Variants in PRKCB observed in about 807,000 individuals in gnomAD.
PRKCB encodes protein kinase C beta, also known as protein kinase C beta type.
A neutral mutation model predicts 81.5 loss-of-function variants in PRKCB; 13 were observed. The observed-to-expected ratio is 0.16, with a 90% CI of 0.10 to 0.25. PRKCB has a LOEUF of 0.25. Among genes scored for constraint, PRKCB ranks in the 10% least tolerant of loss-of-function variants. The pLI, the probability that PRKCB is intolerant of heterozygous loss-of-function variation, is 1.00. For missense variants in PRKCB, 509 were observed against 875.7 expected, an observed-to-expected ratio of 0.58 and a Z score of 5.29; for synonymous variants, 335 against 321.4, an observed-to-expected ratio of 1.04 and a Z score of -0.45.
intron 4 of PRKCB, among the ~76,000 whole-genome samples, chr16:24,032,748 T>C (rs1019522701): frequency 6.6e-6 from 1 of 152,200 alleles, no homozygotes; most frequent in African/African-American, 2.4e-5. Context: ...GCAGCCACAC[T>C]TCAAGTCTCT....
chr16:23,933,392 C>A (rs1005191945), intron 2 of PRKCB, among the ~76,000 whole-genome samples: 4 of 152,138 alleles, frequency 2.6e-5, no homozygotes, highest in Admixed American at 6.5e-5. Flanking sequence ...TATTGATGAG[C>A]CCCTTTTGGT....
chr16:23,917,777 T>G (rs1278760364), intron 2 of PRKCB, among the ~76,000 whole-genome samples: 1 of 152,206 alleles, frequency 6.6e-6, no homozygotes, highest in African/African-American at 2.4e-5. Context: ...GATCAGATGT[T>G]TTTTGCAGTT....
intron 2 of PRKCB, among the ~76,000 whole-genome samples, chr16:23,877,712 G>A (rs1375482368): frequency 6.6e-6 from 1 of 152,188 alleles, no homozygotes; most frequent in African/African-American, 2.4e-5. Flanking sequence ...AAAAATCTGT[G>A]TAAATGGTAA....
At chr16:24,021,286 T>TCTCCCTCC (rs1471185662) in intron 3 of PRKCB, among the ~76,000 whole-genome samples, 5 of 69,330 alleles carry the variant, frequency 7.2e-5, no homozygotes, top group South Asian at 5.7e-4. Flanking sequence ...CTTTTCTCCC[T>TCTCCCTCC]CTCCCTCCCT....
At chr16:23,987,806 A>G (rs761300743) in intron 2 of PRKCB, among the ~76,000 whole-genome samples, 3 of 152,226 alleles carry the variant, frequency 2.0e-5, no homozygotes, top group Non-Finnish European at 4.4e-5. Context: ...AACAACAACA[A>G]CAACAACAAA....
At chr16:23,953,888 C>CTG (rs1555486999) in intron 2 of PRKCB, among the ~76,000 whole-genome samples, 5 of 146,348 alleles carry the variant, frequency 3.4e-5, no homozygotes, top group Non-Finnish European at 7.5e-5. Flanking sequence ...AGGCATCCAT[C>CTG]TTTTTTTTTT....
chr16:23,988,950 T>C (rs953093679), intron 3 of PRKCB, among the ~76,000 whole-genome samples: 1 of 151,978 alleles, frequency 6.6e-6, no homozygotes, highest in Non-Finnish European at 1.5e-5. Flanking sequence ...CTTTCTTTTG[T>C]TATTGTTATT....
intron 2 of PRKCB, among the ~76,000 whole-genome samples, chr16:23,950,131 A>T (rs1324340652): frequency 1.1e-4 from 1 of 8,922 alleles, no homozygotes; most frequent in Non-Finnish European, 2.5e-4. Context: ...CTATGATTTG[A>T]ATTTTTTTTT....
chr16:24,141,379 A>C (rs940834061), intron 9 of PRKCB, among the ~76,000 whole-genome samples: 1 of 152,098 alleles, frequency 6.6e-6, no homozygotes, highest in East Asian at 1.9e-4. Context: ...ATTTTTTAGT[A>C]GAGACGGGGT....
chr16:24,142,162 A>G lies in PRKCB; in HGVS notation c.1066-12522A>G, dbSNP rs1461961702. ...GGTTGAGTAACTCAGCCAAGAACAC[A>G]CAGCAAACCATATGATAGAGTCAGG... On this transcript the variant is annotated intron_variant, in intron 9 of 16. Transcript: ENST00000643927. Among the ~76,000 whole-genome samples, 5 of 152,310 alleles carry G rather than the reference A, an allele frequency of 3.3e-5. No homozygotes were observed. In the East Asian group the frequency reaches 9.6e-4, roughly 29 times the overall value.
intron 5 of PRKCB, among the ~76,000 whole-genome samples, chr16:24,064,097 C>G (rs918462317): frequency 6.6e-6 from 1 of 151,824 alleles, no homozygotes; most frequent in South Asian, 2.1e-4. Context: ...AGAGTAAACA[C>G]CAGGTTGCCG....
At chr16:23,850,102 C>T (rs941038331) in intron 2 of PRKCB, among the ~76,000 whole-genome samples, 1 of 152,170 alleles carries the variant, frequency 6.6e-6, no homozygotes, top group African/African-American at 2.4e-5. Context: ...TTTTACTTAG[C>T]ATAATGTCCT....
intron 9 of PRKCB, among the ~76,000 whole-genome samples, chr16:24,135,533 G>A (rs1327691673): frequency 6.6e-6 from 1 of 151,714 alleles, no homozygotes; most frequent in Non-Finnish European, 1.5e-5. Context: ...GGCTGGTCTC[G>A]AACTCCTGGC....
At chr16:23,949,136 T>C (rs974983500) in intron 2 of PRKCB, among the ~76,000 whole-genome samples, 3 of 152,176 alleles carry the variant, frequency 2.0e-5, no homozygotes, top group African/African-American at 7.2e-5. Context: ...TTTACACTCT[T>C]CCGGAGTCTG....
Position 24,216,882 on chromosome 16 carries a change from A to G in PRKCB, c.*2066A>G, listed in dbSNP as rs886733853. The G allele has an allele frequency of 5.1e-6, 5 of 985,480 alleles. No individual in the cohort carries two copies. Among genetic ancestry groups the G allele is most frequent in the Non-Finnish European group, 6.0e-6 (5 of 829,962 alleles). The allele number at this position is 985,480 out of a possible 1,614,324, so 61.0% of individuals were successfully genotyped here. ...GGATAAAAACCTGGGTGTCCTGTCC[A>G]GAAAGTGCAGGGTGCTTTCTGCTCT... On this transcript the variant is annotated 3_prime_UTR_variant, in exon 17 of 17. Coordinates refer to ENST00000643927, the MANE Select transcript of PRKCB (RefSeq NM_002738.7).
intron 16 of PRKCB, among the ~76,000 whole-genome samples, chr16:24,197,187 A>G (rs1481315321): frequency 6.6e-6 from 1 of 152,228 alleles, no homozygotes; most frequent in Non-Finnish European, 1.5e-5. Flanking sequence ...CAAAATAATA[A>G]ACATAGAAAC....
chr16:23,861,400 C>T (rs988536891), intron 2 of PRKCB, among the ~76,000 whole-genome samples: 2 of 152,100 alleles, frequency 1.3e-5, no homozygotes, highest in African/African-American at 2.4e-5. Context: ...AATTTGGGCT[C>T]AAGCAATCCT....
intron 2 of PRKCB, among the ~76,000 whole-genome samples, chr16:23,894,009 GC>G (rs1963333895): frequency 6.6e-6 from 1 of 152,144 alleles, no homozygotes; most frequent in East Asian, 1.9e-4. Flanking sequence ...TGCATTTTGG[GC>G]CAGGTAGTTC....
In PRKCB at chr16:23,993,654, G is replaced by A. The variant is rs140247831; in HGVS notation, c.288+5064G>A. Among the ~76,000 whole-genome samples the A allele has an allele frequency of 3.7e-3, 570 of 152,298 alleles. 1 individual carries two copies. The highest frequency in any genetic ancestry group is 0.034 in the Middle Eastern group (10 of 294). Reference sequence around the variant, plus strand: ...ACCAAACCTTACTATGGGAACCACAGCCACTTAATTGGAAAACTTAAATGC... The same window carrying A: ...ACCAAACCTTACTATGGGAACCACAACCACTTAATTGGAAAACTTAAATGC... On this transcript the variant is annotated intron_variant, in intron 3 of 16. Coordinates refer to ENST00000643927, the MANE Select transcript of PRKCB (RefSeq NM_002738.7).
Sources: gnomAD v4.1 joint callset for allele counts (sites outside exome capture counted in the v4.1 genomes callset) on GRCh38, gnomAD v4.1.1 for gene constraint, MANE v1.5 for transcripts, NCBI Gene and HGNC (gene_info 2026-07-23, HGNC 2026-07-21) for gene names.